Variants in PIK3C2G observed in about 807,000 individuals in gnomAD.
PIK3C2G encodes the protein phosphatidylinositol-4-phosphate 3-kinase catalytic subunit type 2 gamma.
PIK3C2G carries 168 observed loss-of-function variants against 181.1 expected under a neutral mutation model. The ratio of observed to expected loss-of-function variants is 0.93; its 90% CI spans 0.82 to 1.05. The LOEUF is 1.05. Ranked by LOEUF, PIK3C2G falls within the 50% of genes least tolerant of loss-of-function variation. PIK3C2G has a pLI of 0.00. For synonymous variants in PIK3C2G, 573 were observed against 592.2 expected (o/e 0.97, Z 0.47); for missense variants, 1,869 against 1,732.8 (o/e 1.08, Z -1.40).
chr12:18,507,662 T>G (rs1211936365), intron 24 of PIK3C2G, among the ~76,000 whole-genome samples: 1 of 152,174 alleles, frequency 6.6e-6, no homozygotes, highest in Non-Finnish European at 1.5e-5. Flanking sequence ...AAGATTCAGT[T>G]TGGACATCTT....
At chr12:18,277,437 A>T (rs1014571997) in intron 1 of PIK3C2G, among the ~76,000 whole-genome samples, 5 of 152,166 alleles carry the variant, frequency 3.3e-5, no homozygotes, top group Non-Finnish European at 7.4e-5. Flanking sequence ...CTAAAAATAC[A>T]GATGGTTTAG....
At chr12:18,347,074 G>A (rs553125789) in intron 11 of PIK3C2G, among the ~76,000 whole-genome samples, 246 of 151,882 alleles carry the variant, frequency 1.6e-3, no homozygotes, top group African/African-American at 5.8e-3. Context: ...CCAATATATC[G>A]TTATGGAAAT....
intron 18 of PIK3C2G, among the ~76,000 whole-genome samples, chr12:18,433,517 C>T (rs1420848519): frequency 2.0e-5 from 3 of 152,108 alleles, no homozygotes; most frequent in Non-Finnish European, 4.4e-5. Context: ...AAGAGCTAGA[C>T]TCCATCTCGA....
At chr12:18,520,266 C>G (rs1226642182) in intron 24 of PIK3C2G, among the ~76,000 whole-genome samples, 1 of 152,038 alleles carries the variant, frequency 6.6e-6, no homozygotes, top group Non-Finnish European at 1.5e-5. Flanking sequence ...ATTGGCCTGT[C>G]TTGCTAGGTT....
chr12:18,472,132 T>G (rs566253274), intron 18 of PIK3C2G, among the ~76,000 whole-genome samples: 57 of 152,248 alleles, frequency 3.7e-4, no homozygotes, highest in Middle Eastern at 6.8e-3. Context: ...TCTACTTTTC[T>G]TGATTCAAAA....
the PIK3C2G span, chr12:18,694,219 CTG>C: frequency 6.4e-6 from 4 of 620,308 alleles, no homozygotes; most frequent in Non-Finnish European, 1.2e-5. Context: ...GCAAAACATC[CTG>C]TGTCTTTTGG....
chr12:18,575,377 T>C (rs1202858508), intron 29 of PIK3C2G, among the ~76,000 whole-genome samples: 1 of 152,192 alleles, frequency 6.6e-6, no homozygotes, highest in Non-Finnish European at 1.5e-5. Context: ...TCTCAATACA[T>C]GGTAGTATTT....
chr12:18,435,189 G>A (rs1196243066), intron 18 of PIK3C2G, among the ~76,000 whole-genome samples: 2 of 151,912 alleles, frequency 1.3e-5, no homozygotes, highest in African/African-American at 2.4e-5. Flanking sequence ...ATCCAACACA[G>A]AAAATCTAGA....
chr12:18,417,901 C>T (rs762036103), intron 16 of PIK3C2G, among the ~76,000 whole-genome samples: 5 of 151,550 alleles, frequency 3.3e-5, no homozygotes, highest in Non-Finnish European at 4.4e-5. Flanking sequence ...ATGCTTTTGA[C>T]GGAGAGAAAA....
intron 31 of PIK3C2G, among the ~76,000 whole-genome samples, chr12:18,618,010 A>G (rs1269699490): frequency 1.3e-5 from 2 of 152,202 alleles, no homozygotes; most frequent in African/African-American, 4.8e-5. Context: ...ATTTTTTAAA[A>G]CTATATAAGA....
intron 17 of PIK3C2G, among the ~76,000 whole-genome samples, chr12:18,421,516 G>T (rs1945485606): frequency 6.6e-6 from 1 of 151,850 alleles, no homozygotes; most frequent in South Asian, 2.1e-4. Context: ...CACAATGTTG[G>T]AGTAATTTTA....
At chr12:18,311,372 T>A (rs1046428323) in intron 5 of PIK3C2G, among the ~76,000 whole-genome samples, 16 of 152,232 alleles carry the variant, frequency 1.1e-4, no homozygotes, top group African/African-American at 3.9e-4. Context: ...CATGTAGTAT[T>A]TTATATGTAG....
intron 1 of PIK3C2G, among the ~76,000 whole-genome samples, chr12:18,255,366 A>C (rs1317660508): frequency 6.6e-6 from 1 of 152,194 alleles, no homozygotes; most frequent in Non-Finnish European, 1.5e-5. Flanking sequence ...ATTTATGGCT[A>C]CTGTAGGAGT....
intron 26 of PIK3C2G, 35 bp from the exon 27 acceptor site, chr12:18,562,668 T>C (rs1397159990): frequency 8.1e-7 from 1 of 1,237,858 alleles, no homozygotes; most frequent in South Asian, 1.3e-5. Context: ...TGCAGAGGAG[T>C]GTCACTCACT....
intron 10 of PIK3C2G, among the ~76,000 whole-genome samples, chr12:18,345,733 T>G (rs761966536): frequency 2.6e-5 from 4 of 152,218 alleles, no homozygotes; most frequent in Non-Finnish European, 5.9e-5. Flanking sequence ...TTTTTTTTAC[T>G]TAAGTTTACT....
chr12:18,474,629 A>C lies in PIK3C2G; in HGVS notation c.2505-13820A>C, dbSNP rs151257231. ...TCTTCTGTTGCTAATTGAAATCAAG[A>C]AAACAAGAAAAAAAGTTAAAGTAAA... On this transcript the variant is annotated intron_variant, in intron 18 of 32. Coordinates refer to ENST00000538779, the MANE Select transcript of PIK3C2G (RefSeq NM_001288772.2). Among the ~76,000 whole-genome samples, 1,043 of 152,252 alleles carry C rather than the reference A, an allele frequency of 6.9e-3. 13 individuals carry two copies. The highest frequency in any genetic ancestry group is 0.024 in the African/African-American group (1,005 of 41,568).
intron 15 of PIK3C2G, among the ~76,000 whole-genome samples, chr12:18,398,142 T>A (rs1255502685): frequency 5.9e-5 from 9 of 152,166 alleles, no homozygotes; most frequent in African/African-American, 2.2e-4. Context: ...CTATTTTATA[T>A]CTTGATAGGA....
At chr12:18,699,880 C>T in the PIK3C2G span, 1 of 1,612,830 alleles carries the variant, frequency 6.2e-7, no homozygotes, top group East Asian at 2.2e-5. Context: ...ATGTTGAAAG[C>T]TTTTGAATTT....
chr12:18,642,888 T>TA (rs1949916918), intron 32 of PIK3C2G, among the ~76,000 whole-genome samples: 1 of 151,372 alleles, frequency 6.6e-6, no homozygotes, highest in Non-Finnish European at 1.5e-5. Flanking sequence ...TCTAAACTGG[T>TA]AAGGAAAAAT....
Sources: allele counts gnomAD v4.1 joint callset (sites outside exome capture counted in the v4.1 genomes callset), GRCh38; gene constraint gnomAD v4.1.1; transcripts MANE v1.5; gene names NCBI Gene and HGNC (gene_info 2026-07-23, HGNC 2026-07-21).